Variants in IQCH observed in about 807,000 individuals in gnomAD.
IQCH encodes the protein IQ motif containing H.
A neutral mutation model predicts 117.0 loss-of-function variants in IQCH; 98 were observed. The observed-to-expected ratio is 0.84, with a 90% CI of 0.71 to 0.99. IQCH has a LOEUF of 0.99. IQCH is among the 50% of genes least tolerant of loss of function. IQCH has a pLI of 0.00. For synonymous variants in IQCH, 412 were observed against 448.2 expected (o/e 0.92, Z 1.02); for missense variants, 1,102 against 1,243.8 (o/e 0.89, Z 1.72).
chr15:67,389,082 C>A, intron 12 of IQCH, 76 bp downstream of exon 12: 1 of 1,089,742 alleles, frequency 9.2e-7, no homozygotes, highest in Non-Finnish European at 1.4e-6. Context: ...ACTTGCAACG[C>A]TCTGGTACAC....
chr15:67,480,463 C>G (rs1197975834), intron 18 of IQCH, among the ~76,000 whole-genome samples: 4 of 152,150 alleles, frequency 2.6e-5, no homozygotes, highest in Non-Finnish European at 5.9e-5. Context: ...TCACAGTGAT[C>G]AAAGACCCAT....
intron 10 of IQCH, among the ~76,000 whole-genome samples, chr15:67,378,654 G>A (rs1596286075): frequency 6.6e-6 from 1 of 151,878 alleles, no homozygotes; most frequent in African/African-American, 2.4e-5. Context: ...TTGGTCCCGT[G>A]ATCTTATAAT....
chr15:67,260,282 T>C (rs1387305442), intron 1 of IQCH, among the ~76,000 whole-genome samples: 1 of 152,200 alleles, frequency 6.6e-6, no homozygotes, highest in Non-Finnish European at 1.5e-5. Context: ...TGCTTTCAAA[T>C]TTCATAGGGC....
rs527575047 is a variant in IQCH at position 67,319,967 on chromosome 15, C to T, written c.388-17008C>T. Reference sequence around the variant, plus strand: ...AATGAGTTAAATTTTTTTAATGGACCGTATTTGAGGTTAATCTCTTCATTG... The same window carrying T: ...AATGAGTTAAATTTTTTTAATGGACTGTATTTGAGGTTAATCTCTTCATTG... On this transcript the variant is annotated intron_variant, in intron 4 of 20. Coordinates refer to ENST00000335894, the MANE Select transcript of IQCH (RefSeq NM_001031715.3). Among the ~76,000 whole-genome samples, 9 of 152,202 alleles carry T rather than the reference C, an allele frequency of 5.9e-5. No homozygotes were observed. The South Asian group carries it at 1.7e-3, about 28-fold the overall frequency.
chr15:67,402,130 T>A, intron 14 of IQCH, among the ~76,000 whole-genome samples: 1 of 152,228 alleles, frequency 6.6e-6, no homozygotes, highest in East Asian at 1.9e-4. Flanking sequence ...TTCAGTTATT[T>A]TAAACCGTAG....
intron 18 of IQCH, among the ~76,000 whole-genome samples, chr15:67,482,648 T>G (rs186711731): frequency 6.6e-6 from 1 of 152,334 alleles, no homozygotes; most frequent in East Asian, 1.9e-4. Context: ...AAGTTATTTA[T>G]TATGGTGCTT....
At chr15:67,489,863 A>G (rs2083601147) in intron 18 of IQCH, 140 bp from the exon 19 acceptor site, 9 of 724,394 alleles carry the variant, frequency 1.2e-5, no homozygotes, top group South Asian at 1.6e-5. Flanking sequence ...GCCTTTCCAA[A>G]TGTGTTCTCA....
rs771943358 is a variant in IQCH, at chr15:67,422,730, T to C, written c.2505+1153T>C. Among the ~76,000 whole-genome samples the C allele has an allele frequency of 2.0e-5, 3 of 152,228 alleles. No individual in the cohort carries two copies. The highest frequency in any genetic ancestry group is 2.9e-5 in the Non-Finnish European group (2 of 68,034). ...ATAGGTATGGTGCTGAGATATACTA[T>C]TCAGGATAAATCATCTTTAACCTTT... On this transcript the variant is annotated intron_variant, in intron 16 of 20. Transcript: ENST00000335894. This position sits in a 1 kb window ranked among gnomAD's most constrained non-coding sequence, Gnocchi z 4.7.
intron 14 of IQCH, among the ~76,000 whole-genome samples, chr15:67,402,349 CT>C (rs952441781): frequency 6.6e-6 from 1 of 152,134 alleles, no homozygotes; most frequent in Non-Finnish European, 1.5e-5. Flanking sequence ...AAAGGTGCCT[CT>C]TTTTTTGTAG....
At position 67,415,979 on chromosome 15, in the gene IQCH, T is replaced by C. The variant is rs149114805; in HGVS notation, c.2098-952T>C. ...TTGGGAGGCTAAGGCAGGAGGATCA[T>C]TTGAACCCAGGAGACTGAGGCTGCA... On this transcript the variant is annotated intron_variant, in intron 14 of 20. Coordinates refer to ENST00000335894, the MANE Select transcript of IQCH (RefSeq NM_001031715.3). Among the ~76,000 whole-genome samples, 801 of 152,078 alleles carry C rather than the reference T, an allele frequency of 5.3e-3. 11 individuals are homozygous for C. Among genetic ancestry groups the C allele is most frequent in the African/African-American group, 0.018 (751 of 41,486 alleles).
intron 15 of IQCH, 138 bp from the exon 16 acceptor site, chr15:67,421,153 T>C (rs1161613358): frequency 3.0e-6 from 2 of 670,942 alleles, no homozygotes; most frequent in Non-Finnish European, 5.0e-6. Context: ...TATGCCCATA[T>C]TACGGATAAA....
rs767491937 is a variant in IQCH, at chr15:67,401,520, C to A, written c.2097+1215C>A. 2.7e-5 allele frequency among the ~76,000 whole-genome samples: 4 copies of A among 150,898 alleles called. No homozygotes were observed. Among genetic ancestry groups the A allele is most frequent in the African/African-American group, 9.7e-5 (4 of 41,342 alleles). ...TGCGTCTGCTTTGAGCATCCCGCTA[C>A]GGAAGTATATGAATCAAGACACAAG... On this transcript the variant is annotated intron_variant, in intron 14 of 20. Transcript: ENST00000335894. The surrounding 1 kb of genome is among the most constrained non-coding windows in gnomAD (Gnocchi z 4.7).
rs1967818217 is a variant in IQCH at position 67,315,798 on chromosome 15, G to A, written c.388-21177G>A. ...GCTTCTGCATGGATCTGTCCACATT[G>A]ATCATGTATCTGTTTTTCTAGTTTA... is the stretch of plus-strand genomic sequence containing the variant. On this transcript the variant is annotated intron_variant, in intron 4 of 20. Coordinates refer to ENST00000335894, the MANE Select transcript of IQCH (RefSeq NM_001031715.3). 2.0e-5 allele frequency among the ~76,000 whole-genome samples: 3 copies of A among 152,010 alleles called. No individual in the cohort carries two copies. The South Asian group carries it at 6.2e-4, about 32-fold the overall frequency.
At chr15:67,300,278 A>G (rs1028653865) in intron 4 of IQCH, among the ~76,000 whole-genome samples, 1 of 152,108 alleles carries the variant, frequency 6.6e-6, no homozygotes, top group Non-Finnish European at 1.5e-5. Flanking sequence ...TTTTGGGGCC[A>G]GTGGGAGCCT....
chr15:67,318,081 A>T (rs1232958949), intron 4 of IQCH, among the ~76,000 whole-genome samples: 1 of 152,208 alleles, frequency 6.6e-6, no homozygotes, highest in Non-Finnish European at 1.5e-5. Flanking sequence ...GAAAACTTGG[A>T]AAATACAAGG....
Position 67,417,002 on chromosome 15 carries a change from G to A in IQCH, c.2169G>A (p.Glu723=). The A allele has an allele frequency of 6.2e-7, 1 of 1,612,152 alleles. No individual in the cohort carries two copies. The highest frequency in any genetic ancestry group is 1.1e-5 in the South Asian group (1 of 90,624). ...CACAGCACGCACAGCCAGTCAATGA[G>A]AAACGGTTCCCGACGTGGAGGAAAT... ...ILAQHAQPVN[E]KRFPTWRKFL... The change falls in exon 15 of 21, where the codon GAG becomes GAA. Residue 723 remains glutamate (E), a synonymous_variant. Transcript: ENST00000335894. This position sits in a 1 kb window ranked among gnomAD's most constrained non-coding sequence, Gnocchi z 4.3.
chr15:67,468,651 C>T (rs1183295904), intron 17 of IQCH, among the ~76,000 whole-genome samples: 1 of 152,206 alleles, frequency 6.6e-6, no homozygotes, highest in East Asian at 1.9e-4. Flanking sequence ...TCAGCCTCTG[C>T]CAACCCTTAA....
Position 67,393,940 on chromosome 15 carries a change from C to T in IQCH, c.1633-1351C>T, listed in dbSNP as rs1217067546. Among the ~76,000 whole-genome samples the T allele has an allele frequency of 6.6e-6, 1 of 151,968 alleles. No homozygotes were observed. On this transcript the variant is annotated intron_variant, in intron 12 of 20. Coordinates refer to ENST00000335894, the MANE Select transcript of IQCH (RefSeq NM_001031715.3). The surrounding 1 kb of genome is among the most constrained non-coding windows in gnomAD (Gnocchi z 5.5). ...CTTATTTTAAAAGCCTTAGAGCAAC[C>T]CCAGCAAATGGGTAATTTTTATTCT...
chr15:67,498,502 G>A (rs1480823503), intron 20 of IQCH, among the ~76,000 whole-genome samples: 2 of 151,962 alleles, frequency 1.3e-5, no homozygotes, highest in South Asian at 2.1e-4. Flanking sequence ...TGTAATCCCA[G>A]CTACTCAGGA....
Sources: gnomAD v4.1 joint callset for allele counts (sites outside exome capture counted in the v4.1 genomes callset) on GRCh38, gnomAD v4.1.1 for gene constraint, Gnocchi (gnomAD v3.1) non-coding constraint, MANE v1.5 for transcripts, NCBI Gene and HGNC (gene_info 2026-07-23, HGNC 2026-07-21) for gene names.